Variants in EAF2 observed in about 807,000 individuals in gnomAD.
The protein encoded by EAF2 is ELL-associated factor 2.
A neutral mutation model predicts 29.4 loss-of-function variants in EAF2; 29 were observed. That is an observed-to-expected ratio of 0.99 (90% CI 0.73 to 1.35). The LOEUF (loss-of-function observed/expected upper bound fraction) is 1.35, where lower values mean the gene tolerates loss of function less well. Ranked by LOEUF, EAF2 falls within the 40% of genes most tolerant of loss-of-function variation. The pLI, the probability that EAF2 is intolerant of heterozygous loss-of-function variation, is 0.00. For missense variants in EAF2, 292 were observed against 312.0 expected (o/e 0.94, Z 0.48); for synonymous variants, 103 against 102.5 (o/e 1.00, Z -0.03).
chr3:121,836,720 T>C, intron 1 of EAF2: 1 of 987,824 alleles, frequency 1.0e-6, no homozygotes, highest in Non-Finnish European at 1.2e-6. Context: ...GGAAGTGTGA[T>C]ATGCGTCTTT....
At chr3:121,859,488 T>C (rs980630742) in intron 4 of EAF2, among the ~76,000 whole-genome samples, 10 of 152,178 alleles carry the variant, frequency 6.6e-5, no homozygotes, top group African/African-American at 2.2e-4. Flanking sequence ...TATTGGTGTA[T>C]AGGAATGCTT....
intron 4 of EAF2, among the ~76,000 whole-genome samples, chr3:121,871,041 G>C (rs2107537834): frequency 6.6e-6 from 1 of 152,092 alleles, no homozygotes; most frequent in Non-Finnish European, 1.5e-5. Context: ...CTACCTAAGA[G>C]AAATGTGTAT....
chr3:121,848,198 G>T (rs1708563366), intron 2 of EAF2, among the ~76,000 whole-genome samples: 1 of 152,146 alleles, frequency 6.6e-6, no homozygotes, highest in African/African-American at 2.4e-5. Flanking sequence ...CCGCCTCTGA[G>T]CAGTGTATGT....
intron 4 of EAF2, among the ~76,000 whole-genome samples, chr3:121,871,198 G>A (rs1056439619): frequency 4.0e-5 from 6 of 151,346 alleles, no homozygotes; most frequent in Admixed American, 4.0e-4. Flanking sequence ...TAATATCATA[G>A]CAGTAGAGAA....
chr3:121,865,062 T>A (rs1708900094), intron 4 of EAF2, among the ~76,000 whole-genome samples: 1 of 152,128 alleles, frequency 6.6e-6, no homozygotes, highest in Non-Finnish European at 1.5e-5. Flanking sequence ...GGTAGTTTTT[T>A]AATAGAGGCC....
chr3:121,851,628 G>A (rs192965355), intron 2 of EAF2, among the ~76,000 whole-genome samples: 1 of 152,316 alleles, frequency 6.6e-6, no homozygotes, highest in Admixed American at 6.5e-5. Context: ...ATCATGGAGG[G>A]TCCATGTGCA....
In EAF2 at chr3:121,886,328, C is replaced by A; in HGVS notation, c.737-14C>A. The A allele has an allele frequency of 2.7e-6, 4 of 1,461,590 alleles. No individual in the cohort carries two copies. Among genetic ancestry groups the A allele is most frequent in the South Asian group, 3.0e-5 (2 of 65,872 alleles). The allele number at this position is 1,461,590 out of a possible 1,614,324, so 90.5% of individuals were successfully genotyped here. On this transcript the variant is annotated splice_polypyrimidine_tract_variant and intron_variant, in intron 5 of 5. Transcript: ENST00000273668. ...TTTAATTACTACAGTTTTGTTATTTCTTTCTTATTTTAGGAAATGATTTGC... is the reference window on the plus strand; with the variant it reads ...TTTAATTACTACAGTTTTGTTATTTATTTCTTATTTTAGGAAATGATTTGC...
intron 4 of EAF2, among the ~76,000 whole-genome samples, chr3:121,860,552 TTC>T (rs1576647572): frequency 6.6e-6 from 1 of 152,346 alleles, no homozygotes; most frequent in East Asian, 1.9e-4. Flanking sequence ...TATTTGATTC[TTC>T]TCTCTTTTTT....
intron 1 of EAF2, chr3:121,836,888 A>G (rs1708305631): frequency 4.2e-6 from 3 of 722,868 alleles, no homozygotes; most frequent in Non-Finnish European, 5.1e-6. Flanking sequence ...ATTTGGGTAT[A>G]TATTCTCTTA....
At chr3:121,863,043 T>C (rs1559825033) in intron 4 of EAF2, among the ~76,000 whole-genome samples, 2 of 152,174 alleles carry the variant, frequency 1.3e-5, no homozygotes, top group Non-Finnish European at 2.9e-5. Context: ...TGCTGCCTGG[T>C]CCTTCCTCTG....
intron 1 of EAF2, chr3:121,837,374 C>T (rs1328205293): frequency 2.6e-5 from 4 of 152,068 alleles, no homozygotes; most frequent in Non-Finnish European, 5.9e-5. Flanking sequence ...ATAACCAACC[C>T]TCAAGCCAAT....
intron 1 of EAF2, among the ~76,000 whole-genome samples, chr3:121,844,252 A>G (rs1047305196): frequency 2.0e-5 from 3 of 152,094 alleles, no homozygotes; most frequent in African/African-American, 7.2e-5. Flanking sequence ...GAGTATAGCT[A>G]TTTCTTTTTT....
intron 4 of EAF2, among the ~76,000 whole-genome samples, chr3:121,862,726 C>T (rs185827508): frequency 3.9e-5 from 6 of 152,336 alleles, no homozygotes; most frequent in Admixed American, 3.9e-4. Flanking sequence ...TGGCGAGGAG[C>T]TGCATTCCTT....
intron 4 of EAF2, among the ~76,000 whole-genome samples, chr3:121,866,579 G>T (rs1048131276): frequency 6.6e-6 from 1 of 151,994 alleles, no homozygotes; most frequent in African/African-American, 2.4e-5. Flanking sequence ...ACAAAAATTA[G>T]CTGGGTGTGG....
At chr3:121,878,989 T>C (rs1709147792) in intron 5 of EAF2, among the ~76,000 whole-genome samples, 1 of 152,164 alleles carries the variant, frequency 6.6e-6, no homozygotes, top group Non-Finnish European at 1.5e-5. Flanking sequence ...CCTGTACTAA[T>C]TTACATTCCC....
chr3:121,837,299 G>A (rs1708321910), intron 1 of EAF2: 1 of 152,176 alleles, frequency 6.6e-6, no homozygotes. Flanking sequence ...AGAACTCAGA[G>A]TGAGGTTTGA....
At chr3:121,847,888 A>G (rs1708556459) in intron 2 of EAF2, among the ~76,000 whole-genome samples, 2 of 152,270 alleles carry the variant, frequency 1.3e-5, no homozygotes, top group Middle Eastern at 3.4e-3. Context: ...GGAGCTAGAC[A>G]TCCTATACTT....
intron 4 of EAF2, among the ~76,000 whole-genome samples, chr3:121,868,958 C>T (rs1232371167): frequency 6.6e-6 from 1 of 152,126 alleles, no homozygotes; most frequent in African/African-American, 2.4e-5. Flanking sequence ...TAAGATAGAC[C>T]ATATCCTGGG....
chr3:121,844,171 A>G (rs1326035998), intron 1 of EAF2, among the ~76,000 whole-genome samples: 1 of 145,122 alleles, frequency 6.9e-6, no homozygotes, highest in Non-Finnish European at 1.5e-5. Context: ...TTAGCAGTAG[A>G]ACATGTTAGT....
Sources: gnomAD v4.1 joint callset for allele counts (sites outside exome capture counted in the v4.1 genomes callset) on GRCh38, gnomAD v4.1.1 for gene constraint, MANE v1.5 for transcripts, NCBI Gene and HGNC (gene_info 2026-07-23, HGNC 2026-07-21) for gene names.